VOPP1: variants seen among roughly 807,000 people sequenced by gnomAD.
VOPP1 encodes WW domain binding protein VOPP1.
In VOPP1, 8 loss-of-function variants were observed where a neutral mutation model predicts 23.5. The ratio of observed to expected loss-of-function variants is 0.34; its 90% CI spans 0.20 to 0.61. The LOEUF (loss-of-function observed/expected upper bound fraction) is 0.61. VOPP1 is among the 20% of genes least tolerant of loss of function. VOPP1 has a pLI of 0.78. For synonymous variants in VOPP1, 83 were observed against 97.3 expected (o/e 0.85, Z 0.86); for missense variants, 174 against 238.1 (o/e 0.73, Z 1.77).
intron 4 of VOPP1, among the ~76,000 whole-genome samples, chr7:55,456,988 A>G (rs1306981522): frequency 6.6e-6 from 1 of 152,188 alleles, no homozygotes; most frequent in East Asian, 1.9e-4. Flanking sequence ...ATTATTAACT[A>G]TAGTCACCCT....
At chr7:55,562,267 A>C (rs752870213) in intron 1 of VOPP1, among the ~76,000 whole-genome samples, 3 of 152,178 alleles carry the variant, frequency 2.0e-5, no homozygotes, top group Non-Finnish European at 4.4e-5. Flanking sequence ...CCTGAGACAC[A>C]GGCCCTGGTC....
intron 4 of VOPP1, among the ~76,000 whole-genome samples, chr7:55,478,911 C>A (rs938608384): frequency 5.9e-5 from 9 of 152,142 alleles, no homozygotes; most frequent in African/African-American, 1.9e-4. Context: ...AGGACCCAGG[C>A]GGACCTCTCT....
intron 1 of VOPP1, among the ~76,000 whole-genome samples, chr7:55,532,553 A>C (rs1204169503): frequency 1.3e-5 from 2 of 152,262 alleles, no homozygotes; most frequent in African/African-American, 2.4e-5. Flanking sequence ...GAGAGTGAGA[A>C]TATGGAACCT....
At chr7:55,489,790 T>C (rs1160726018) in intron 4 of VOPP1, among the ~76,000 whole-genome samples, 1 of 152,116 alleles carries the variant, frequency 6.6e-6, no homozygotes, top group Non-Finnish European at 1.5e-5. Context: ...GCCGGGCATC[T>C]ACTTGGTGCC....
intron 4 of VOPP1, among the ~76,000 whole-genome samples, chr7:55,481,281 G>A (rs1792691654): frequency 6.6e-6 from 1 of 152,218 alleles, no homozygotes; most frequent in Admixed American, 6.5e-5. Context: ...GCCAGGAGGG[G>A]TGCTGAGAGA....
At chr7:55,565,826 CCAGT>C (rs1243476419) in intron 1 of VOPP1, among the ~76,000 whole-genome samples, 1 of 152,060 alleles carries the variant, frequency 6.6e-6, no homozygotes, top group African/African-American at 2.4e-5. Context: ...TTTGATGCTG[CCAGT>C]CAGACCACAC....
intron 4 of VOPP1, among the ~76,000 whole-genome samples, chr7:55,482,582 G>A (rs538553154): frequency 5.3e-5 from 8 of 150,014 alleles, no homozygotes; most frequent in Admixed American, 1.3e-4. Context: ...CTCATGATCC[G>A]CCTGCCTCAG....
intron 3 of VOPP1, 40 bp downstream of exon 3, chr7:55,497,573 G>GCCC: frequency 8.3e-7 from 1 of 1,199,838 alleles, no homozygotes; most frequent in South Asian, 1.3e-5. Context: ...GGGGGGGGCA[G>GCCC]AGCTCTCGGG....
At chr7:55,557,577 C>T (rs1488693707) in intron 1 of VOPP1, among the ~76,000 whole-genome samples, 1 of 152,116 alleles carries the variant, frequency 6.6e-6, no homozygotes, top group Non-Finnish European at 1.5e-5. Context: ...TTCTTCAGGA[C>T]CCATCTAACA....
intron 1 of VOPP1, among the ~76,000 whole-genome samples, chr7:55,559,396 G>A (rs777819275): frequency 2.0e-5 from 3 of 148,824 alleles, no homozygotes; most frequent in Non-Finnish European, 4.5e-5. Flanking sequence ...GAGAGCAGCC[G>A]CTGACCGTGC....
At chr7:55,560,238 T>C (rs1367526276) in intron 1 of VOPP1, among the ~76,000 whole-genome samples, 1 of 152,136 alleles carries the variant, frequency 6.6e-6, no homozygotes, top group East Asian at 1.9e-4. Flanking sequence ...TTCAACCTTG[T>C]GGCAAGCAAA....
chr7:55,473,665 A>C (rs1277037269), intron 4 of VOPP1, among the ~76,000 whole-genome samples: 1 of 152,084 alleles, frequency 6.6e-6, no homozygotes, highest in Admixed American at 6.5e-5. Flanking sequence ...TGGACACCCG[A>C]CCCCAAATCT....
At chr7:55,542,569 C>T (rs1164440025) in intron 1 of VOPP1, among the ~76,000 whole-genome samples, 1 of 152,186 alleles carries the variant, frequency 6.6e-6, no homozygotes, top group Non-Finnish European at 1.5e-5. Context: ...GCGGGCAGAT[C>T]ACTTGAGGTC....
intron 1 of VOPP1, chr7:55,521,735 A>G (rs1391024973): frequency 1.8e-5 from 18 of 985,684 alleles, no homozygotes; most frequent in Non-Finnish European, 2.2e-5. Flanking sequence ...CCCACAGGGC[A>G]GGGCAGGGCA....
chr7:55,504,167 C>G (rs1238100133), intron 2 of VOPP1, among the ~76,000 whole-genome samples: 1 of 152,290 alleles, frequency 6.6e-6, no homozygotes, highest in African/African-American at 2.4e-5. Context: ...CATCCAGTCC[C>G]AGTCTCTCAA....
intron 1 of VOPP1, among the ~76,000 whole-genome samples, chr7:55,557,236 G>A (rs1232994499): frequency 1.3e-5 from 2 of 152,114 alleles, no homozygotes; most frequent in East Asian, 3.8e-4. Flanking sequence ...GAAAGCCCCA[G>A]TCTCCTGAGC....
intron 2 of VOPP1, among the ~76,000 whole-genome samples, chr7:55,505,626 G>A: frequency 8.4e-6 from 1 of 118,980 alleles, no homozygotes; most frequent in Non-Finnish European, 1.6e-5. Flanking sequence ...GAGGGGGAAG[G>A]AAAGAAGGAA....
At chr7:55,540,658 G>A (rs946943877) in intron 1 of VOPP1, among the ~76,000 whole-genome samples, 11 of 152,098 alleles carry the variant, frequency 7.2e-5, no homozygotes, top group African/African-American at 2.4e-4. Flanking sequence ...ATGGACTCAG[G>A]GCTCCTCCAG....
intron 1 of VOPP1, among the ~76,000 whole-genome samples, chr7:55,557,860 C>A (rs1026280650): frequency 2.0e-5 from 3 of 152,116 alleles, no homozygotes; most frequent in Non-Finnish European, 4.4e-5. Flanking sequence ...GGCCCGGGGC[C>A]TCCAACAGGA....
Sources: gnomAD v4.1 joint callset for allele counts (sites outside exome capture counted in the v4.1 genomes callset) on GRCh38, gnomAD v4.1.1 for gene constraint, MANE v1.5 for transcripts, NCBI Gene and HGNC (gene_info 2026-07-23, HGNC 2026-07-21) for gene names.